The following SLC38A9 variants were observed in gnomAD, a reference collection of about 807,000 sequenced individuals.
SLC38A9 encodes the protein solute carrier family 38 member 9, also known as neutral amino acid transporter 9.
Under a neutral mutation model 62.3 loss-of-function variants are expected in SLC38A9, and 48 were observed. That is an observed-to-expected ratio of 0.77 (90% CI 0.61 to 0.98). SLC38A9 has a LOEUF of 0.98. Ranked by LOEUF, SLC38A9 falls within the 50% of genes least tolerant of loss-of-function variation. The pLI, the probability that SLC38A9 is intolerant of heterozygous loss-of-function variation, is 0.00. For missense variants in SLC38A9, 541 were observed against 679.8 expected (o/e 0.80, Z 2.27); for synonymous variants, 204 against 227.7 (o/e 0.90, Z 0.94).
chr5:55,676,108 T>A (rs1160105589), intron 3 of SLC38A9, among the ~76,000 whole-genome samples: 1 of 152,210 alleles, frequency 6.6e-6, no homozygotes, highest in Admixed American at 6.5e-5. Context: ...TGGAGAACTT[T>A]TAGGTTACTG....
intron 11 of SLC38A9, among the ~76,000 whole-genome samples, chr5:55,647,370 T>G (rs1212098842): frequency 6.6e-6 from 1 of 152,170 alleles, no homozygotes; most frequent in Non-Finnish European, 1.5e-5. Context: ...ATGATTTACT[T>G]GAAAATACTG....
chr5:55,626,727 T>A (rs928297416), intron 15 of SLC38A9, 68 bp from the exon 16 acceptor site: 6 of 1,383,664 alleles, frequency 4.3e-6, no homozygotes, highest in Non-Finnish European at 4.8e-6. Context: ...AAGGTAAACA[T>A]AGTACAATTT....
At chr5:55,693,101 T>C in intron 3 of SLC38A9, 1 of 634,742 alleles carries the variant, frequency 1.6e-6, no homozygotes, top group Non-Finnish European at 2.0e-6. Context: ...CTGTTGACAT[T>C]AAGGAATAGG....
intron 11 of SLC38A9, among the ~76,000 whole-genome samples, chr5:55,646,361 A>G (rs2150138597): frequency 6.6e-6 from 1 of 152,044 alleles, no homozygotes. Flanking sequence ...AAAGAGCGAG[A>G]CTCCATCTCA....
intron 2 of SLC38A9, among the ~76,000 whole-genome samples, chr5:55,709,337 T>A (rs1284108080): frequency 6.6e-6 from 1 of 151,850 alleles, no homozygotes; most frequent in Non-Finnish European, 1.5e-5. Flanking sequence ...AATTTAAGTA[T>A]GTTACAAAAT....
At chr5:55,661,444 C>CAAAA (rs3072768) in intron 8 of SLC38A9, among the ~76,000 whole-genome samples, 1 of 67,644 alleles carries the variant, frequency 1.5e-5, no homozygotes, top group African/African-American at 6.2e-5. Context: ...GACTCCGTCT[C>CAAAA]AAAAAAAAAA....
chr5:55,651,838 T>C (rs1344865194), intron 10 of SLC38A9, among the ~76,000 whole-genome samples: 2 of 152,068 alleles, frequency 1.3e-5, no homozygotes, highest in African/African-American at 2.4e-5. Flanking sequence ...AGAATTCCTA[T>C]AATATCCAAT....
intron 10 of SLC38A9, among the ~76,000 whole-genome samples, chr5:55,651,484 G>A (rs777879783): frequency 7.3e-5 from 11 of 151,672 alleles, no homozygotes; most frequent in Non-Finnish European, 1.2e-4. Context: ...TCCTGACCTC[G>A]TGATCCACCT....
intron 3 of SLC38A9, among the ~76,000 whole-genome samples, chr5:55,682,888 A>G (rs949025055): frequency 6.6e-5 from 10 of 150,500 alleles, no homozygotes; most frequent in Non-Finnish European, 1.0e-4. Context: ...GCTGTGTTTG[A>G]GTAAAGTGTC....
At chr5:55,635,764 T>G (rs1744294878) in intron 12 of SLC38A9, 107 bp from the exon 13 acceptor site, 1 of 689,268 alleles carries the variant, frequency 1.5e-6, no homozygotes, top group South Asian at 1.9e-5. Context: ...TCTTTTTACC[T>G]TGTACATGTG....
At chr5:55,688,351 C>A (rs1204349946) in intron 3 of SLC38A9, among the ~76,000 whole-genome samples, 1 of 151,388 alleles carries the variant, frequency 6.6e-6, no homozygotes, top group Admixed American at 6.6e-5. Context: ...TTCAATCCCA[C>A]CAGCAATGTA....
chr5:55,694,611 T>C (rs1047476834), intron 3 of SLC38A9, among the ~76,000 whole-genome samples: 3 of 152,196 alleles, frequency 2.0e-5, no homozygotes, highest in Non-Finnish European at 4.4e-5. Flanking sequence ...ACTTTGTTTC[T>C]ATTTTCATTT....
intron 10 of SLC38A9, among the ~76,000 whole-genome samples, chr5:55,651,960 CA>C (rs757551549): frequency 0.023 from 1,953 of 84,028 alleles, 15 homozygotes; most frequent in East Asian, 0.048. Flanking sequence ...ATTCATGTCT[CA>C]AAAAAAAAAA....
chr5:55,672,591 C>A lies in SLC38A9; in HGVS notation c.218G>T (p.Arg73Leu). ...AMNKRIHYYSRLTTPADKALI... is the reference protein window; with the variant it reads ...AMNKRIHYYSLLTTPADKALI... ...TGCCTTGTCTGCAGGAGTGGTGAGC[C>A]GGCTGTAGTAATGAATTCTCTTGTT... is the stretch of plus-strand genomic sequence containing the variant. The change falls in exon 4 of 16, where the codon CGG (arginine) becomes CTG (leucine). Residue 73 changes from arginine to leucine, a missense_variant. Transcript: ENST00000396865. The A allele has an allele frequency of 6.2e-7, 1 of 1,613,990 alleles. No individual in the cohort carries two copies. The highest frequency in any genetic ancestry group is 8.5e-7 in the Non-Finnish European group (1 of 1,179,984).
At chr5:55,691,158 T>A in intron 3 of SLC38A9, 2 of 764,302 alleles carry the variant, frequency 2.6e-6, no homozygotes, top group Non-Finnish European at 4.5e-6. Flanking sequence ...TAGAAAAATC[T>A]TGAAACTTTT....
At chr5:55,643,504 G>A (rs931373178) in intron 12 of SLC38A9, among the ~76,000 whole-genome samples, 2 of 152,244 alleles carry the variant, frequency 1.3e-5, no homozygotes, top group African/African-American at 2.4e-5. Context: ...TGTGCATTCC[G>A]CAGTTGAGAG....
intron 3 of SLC38A9, chr5:55,693,422 A>T (rs1286191315): frequency 6.6e-6 from 1 of 152,220 alleles, no homozygotes; most frequent in Non-Finnish European, 1.5e-5. Flanking sequence ...CAACTTATTT[A>T]TCCAATCCTG....
chr5:55,703,379 T>A (rs574298015), intron 2 of SLC38A9, among the ~76,000 whole-genome samples: 1 of 152,294 alleles, frequency 6.6e-6, no homozygotes, highest in Non-Finnish European at 1.5e-5. Context: ...TAGTAATAGA[T>A]CAGTGTAAAA....
chr5:55,666,066 G>T (rs1004238563), intron 7 of SLC38A9, among the ~76,000 whole-genome samples: 1 of 152,162 alleles, frequency 6.6e-6, no homozygotes, highest in South Asian at 2.1e-4. Context: ...CAATAGAGCT[G>T]CCGTGTGCAA....
Sources: allele counts gnomAD v4.1 joint callset (sites outside exome capture counted in the v4.1 genomes callset), GRCh38; gene constraint gnomAD v4.1.1; transcripts MANE v1.5; gene names NCBI Gene and HGNC (gene_info 2026-07-23, HGNC 2026-07-21).